Variants in CROCC2 observed in about 807,000 individuals in gnomAD.
CROCC2 encodes ciliary rootlet coiled-coil, rootletin family member 2.
In CROCC2, 163 loss-of-function variants were observed where a neutral mutation model predicts 177.6. The ratio of observed to expected loss-of-function variants is 0.92; its 90% CI spans 0.81 to 1.05. CROCC2 has a LOEUF of 1.05. Ranked by LOEUF, CROCC2 falls within the 50% of genes least tolerant of loss-of-function variation. CROCC2 has a pLI of 0.00. For synonymous variants in CROCC2, 904 were observed against 787.3 expected, an observed-to-expected ratio of 1.15 and a Z score of -2.48; for missense variants, 1,929 against 1,797.8, an observed-to-expected ratio of 1.07 and a Z score of -1.32.
chr2:240,945,778 G>A (rs536910228), intron 14 of CROCC2, among the ~76,000 whole-genome samples: 1 of 152,000 alleles, frequency 6.6e-6, no homozygotes, highest in Admixed American at 6.5e-5. Flanking sequence ...CTGGACACTG[G>A]AGGACCAACA....
chr2:240,950,218 C>G lies in CROCC2; in HGVS notation c.2653-116C>G, dbSNP rs1426330385. ...GGGGTGTGCAGCTGGCTGGTCTGGA[C>G]AGCCCCTGGGGTCCATCAGCCCTGG... On this transcript the variant is annotated intron_variant, in intron 17 of 31. Coordinates refer to ENST00000690015, the MANE Select transcript of CROCC2 (RefSeq NM_001351305.2). 62 of 1,051,768 alleles carry G rather than the reference C, an allele frequency of 5.9e-5. No homozygotes were observed. In the South Asian group the frequency reaches 9.4e-4, roughly 16 times the overall value. 65.2% of individuals were successfully genotyped at this position (1,051,768 alleles called of 1,614,324 possible). A position where few individuals can be genotyped will look rare whatever the true frequency, so the allele number is the denominator to read the frequency against.
intron 3 of CROCC2, among the ~76,000 whole-genome samples, chr2:240,920,481 G>A: frequency 6.6e-6 from 1 of 152,144 alleles, no homozygotes; most frequent in East Asian, 1.9e-4. Flanking sequence ...GACTCGCGGG[G>A]CCCAGTGCTC....
chr2:240,954,414 A>G (rs1216120698), intron 18 of CROCC2, among the ~76,000 whole-genome samples: 1 of 152,216 alleles, frequency 6.6e-6, no homozygotes, highest in Admixed American at 6.5e-5. Flanking sequence ...GCCATTCACT[A>G]GAATGACTCA....
chr2:240,974,230 A>G (rs982122947), intron 27 of CROCC2, among the ~76,000 whole-genome samples: 4 of 152,052 alleles, frequency 2.6e-5, no homozygotes, highest in South Asian at 2.1e-4. Context: ...TGATTTGCCA[A>G]CGGTTCATGT....
At position 240,958,748 on chromosome 2, in the gene CROCC2, G is replaced by T; in HGVS notation, c.2944-553G>T. 1 of 235,408 alleles carries T rather than the reference G, an allele frequency of 4.2e-6. No homozygotes were observed. The highest frequency in any genetic ancestry group is 6.9e-6 in the Non-Finnish European group (1 of 144,060). The allele number at this position is 235,408 out of a possible 1,614,324, so 14.6% of individuals were successfully genotyped here. A position where few individuals can be genotyped will look rare whatever the true frequency, so the allele number is the denominator to read the frequency against. Reference sequence around the variant, plus strand: ...CCCTGCTGCCGCAACCTGGGCAGGGGTGCAGTGGGGAGGGCCTTGAGAGGA... The same window carrying T: ...CCCTGCTGCCGCAACCTGGGCAGGGTTGCAGTGGGGAGGGCCTTGAGAGGA... On this transcript the variant is annotated intron_variant, in intron 19 of 31. Transcript: ENST00000690015. This position sits in a 1 kb window ranked among gnomAD's most constrained non-coding sequence, Gnocchi z 6.7.
At position 240,965,424 on chromosome 2, in the gene CROCC2, C is replaced by G; in HGVS notation, c.3509C>G (p.Ala1170Gly). 6.5e-7 allele frequency: 1 copy of G among 1,549,746 alleles called. No homozygotes were observed. Among genetic ancestry groups the G allele is most frequent in the South Asian group, 1.2e-5 (1 of 84,026 alleles). ...KAENQRRSGE[A>G]HELQAQCSQE... ...GAGAACCAGAGGAGGAGTGGAGAGGCCCATGAGCTGCAGGCGCAGTGCTCG... is the reference window on the plus strand; with the variant it reads ...GAGAACCAGAGGAGGAGTGGAGAGGGCCATGAGCTGCAGGCGCAGTGCTCG... Residue 1170 changes from alanine to glycine, a missense_variant, in exon 23 of 32, where the codon GCC becomes GGC. Ala to Gly is a moderately conservative substitution (Grantham distance 60). Around this residue, in one of 3 missense-constraint regions of CROCC2, gnomAD observed 1,397 missense variants for 1,239.9 expected, o/e 1.13. Coordinates refer to ENST00000690015, the MANE Select transcript of CROCC2 (RefSeq NM_001351305.2).
intron 26 of CROCC2, 194 bp downstream of exon 26, chr2:240,967,659 C>A (rs35798631): frequency 1.2e-6 from 1 of 852,814 alleles, no homozygotes; most frequent in Non-Finnish European, 1.4e-6. Context: ...TCAGCAGCGA[C>A]TTCCCCAGCA....
intron 14 of CROCC2, 139 bp from the exon 15 acceptor site, chr2:240,945,921 C>T: frequency 1.6e-6 from 1 of 630,906 alleles, no homozygotes; most frequent in African/African-American, 1.8e-5. Flanking sequence ...GAGATCCACC[C>T]ACTTCTTCCA....
At position 240,965,703 on chromosome 2, in the gene CROCC2, AG is replaced by A. The variant is rs1405321444; in HGVS notation, c.3673del (p.Glu1225SerfsTer168). 6.5e-6 allele frequency: 10 copies of A among 1,549,602 alleles called. No homozygotes were observed. In the Admixed American group the frequency reaches 9.8e-5, roughly 15 times the overall value. The part of the protein sequence containing the change: ...AAGEAHGQRL[Q>X]EHLRESRGAE... ...GGGGAGGCCCATGGACAGCGGCTCC[AG>A]GAGCACCTCCGTGAGAGCCGGGGGG... On this transcript the variant is annotated frameshift_variant, in exon 24 of 32. Coordinates refer to ENST00000690015, the MANE Select transcript of CROCC2 (RefSeq NM_001351305.2). LOFTEE classifies it high-confidence loss of function.
chr2:240,961,764 T>TCA (rs149063486), intron 20 of CROCC2, among the ~76,000 whole-genome samples: 2 of 92,236 alleles, frequency 2.2e-5, no homozygotes, highest in East Asian at 3.5e-4. Flanking sequence ...GCACTGGCTC[T>TCA]CACACACACA....
chr2:240,959,274 C>A (rs1210963511), intron 19 of CROCC2, 27 bp from the exon 20 acceptor site: 1 of 1,547,470 alleles, frequency 6.5e-7, no homozygotes, highest in Admixed American at 2.0e-5. Context: ...CTCCCTGGTG[C>A]CACCGTGGGC....
chr2:240,909,232 C>T (rs2059271930), intron 1 of CROCC2, among the ~76,000 whole-genome samples: 1 of 136,834 alleles, frequency 7.3e-6, no homozygotes, highest in South Asian at 2.5e-4. Context: ...TGAGCTCTAC[C>T]TCCTCCACCT....
intron 1 of CROCC2, among the ~76,000 whole-genome samples, chr2:240,914,674 G>T (rs2059307949): frequency 6.6e-6 from 1 of 152,126 alleles, no homozygotes; most frequent in South Asian, 2.1e-4. Flanking sequence ...CCTCAATGAG[G>T]GTGACCCAGG....
chr2:240,961,569 A>C (rs1389973739), intron 20 of CROCC2, among the ~76,000 whole-genome samples: 1 of 137,970 alleles, frequency 7.2e-6, no homozygotes, highest in East Asian at 2.1e-4. Flanking sequence ...ACACTCACAC[A>C]CTCATCACAC....
chr2:240,931,053 A>T lies in CROCC2; in HGVS notation c.872A>T (p.Gln291Leu), dbSNP rs1217861208. Residue 291 changes from glutamine (Q) to leucine (L), a missense_variant, in exon 7 of 32, where the codon CAG becomes CTG. By Grantham distance (113) the Gln-to-Leu change is moderately radical. Around this residue, in one of 3 missense-constraint regions of CROCC2, gnomAD observed 1,397 missense variants for 1,239.9 expected, o/e 1.13. Coordinates refer to ENST00000690015, the MANE Select transcript of CROCC2 (RefSeq NM_001351305.2). ...AGCACGGCCAGCACCCTGGGGCAGC[A>T]GCTTCGGGACAAGGCTGGGGAGATG... is the stretch of plus-strand genomic sequence containing the variant. ...ASSTASTLGQ[Q>L]LRDKAGEMLQ... 1.4e-6 allele frequency: 1 copy of T among 716,744 alleles called. No individual in the cohort carries two copies. The highest frequency in any genetic ancestry group is 2.6e-6 in the Non-Finnish European group (1 of 384,798). 44.4% of individuals were successfully genotyped at this position (716,744 alleles called of 1,614,324 possible).
chr2:240,961,633 G>T (rs1206878286), intron 20 of CROCC2, among the ~76,000 whole-genome samples: 1 of 109,818 alleles, frequency 9.1e-6, no homozygotes, highest in Non-Finnish European at 1.8e-5. Context: ...ACATGCACAC[G>T]CTCATCACAC....
At chr2:240,967,550 C>G in intron 26 of CROCC2, 85 bp downstream of exon 26, 1 of 1,522,960 alleles carries the variant, frequency 6.6e-7, no homozygotes, top group Non-Finnish European at 8.9e-7. Flanking sequence ...CGGCTATAAG[C>G]TTTCAGTCCC....
In CROCC2 at chr2:240,949,503, C is replaced by T; in HGVS notation, c.2483-30C>T. On this transcript the variant is annotated intron_variant, in intron 16 of 31. Coordinates refer to ENST00000690015, the MANE Select transcript of CROCC2 (RefSeq NM_001351305.2). This position sits in a 1 kb window ranked among gnomAD's most constrained non-coding sequence, Gnocchi z 4.5. ...AGGGTTCAGGGGTCCACATGCCAGG[C>T]CCTGGTGCATCTCACCCATCACCCC... 6.5e-7 allele frequency: 1 copy of T among 1,547,278 alleles called. No individual in the cohort carries two copies. Among genetic ancestry groups the T allele is most frequent in the South Asian group, 1.2e-5 (1 of 83,880 alleles).
In CROCC2 at chr2:240,960,647, T is replaced by C. The variant is rs2059625507; in HGVS notation, c.3087+1203T>C. Among the ~76,000 whole-genome samples the C allele has an allele frequency of 6.6e-6, 1 of 151,938 alleles. No homozygotes were observed. The highest frequency in any genetic ancestry group is 2.1e-4 in the South Asian group (1 of 4,812). ...TGGGCTGCTTGCCAAGGCTGGAGGC[T>C]GCGCAGCTGACCTGGTGCTGGAGCG... On this transcript the variant is annotated intron_variant, in intron 20 of 31. Coordinates refer to ENST00000690015, the MANE Select transcript of CROCC2 (RefSeq NM_001351305.2). The surrounding 1 kb of genome is among the most constrained non-coding windows in gnomAD (Gnocchi z 5.0).
Sources: gnomAD v4.1 joint callset for allele counts (sites outside exome capture counted in the v4.1 genomes callset) on GRCh38, gnomAD v4.1.1 for gene constraint, gnomAD v4.1.1 regional missense constraint, Gnocchi (gnomAD v3.1) non-coding constraint, MANE v1.5 for transcripts, NCBI Gene and HGNC (gene_info 2026-07-23, HGNC 2026-07-21) for gene names.